Variants in TMEM135 observed in about 807,000 individuals in gnomAD.
TMEM135 encodes the protein peroxisomal membrane protein 52.
TMEM135 carries 30 observed loss-of-function variants against 60.3 expected under a neutral mutation model. The observed-to-expected ratio is 0.50, with a 90% CI of 0.37 to 0.68. The LOEUF is 0.68. TMEM135 is among the 30% of genes least tolerant of loss of function. The pLI, the probability that TMEM135 is intolerant of heterozygous loss-of-function variation, is 0.00. For synonymous variants in TMEM135, 190 were observed against 186.7 expected (o/e 1.02, Z -0.14); for missense variants, 468 against 548.8 (o/e 0.85, Z 1.47).
intron 1 of TMEM135, among the ~76,000 whole-genome samples, chr11:87,066,544 C>T (rs1479760330): frequency 2.7e-5 from 4 of 147,016 alleles, no homozygotes; most frequent in African/African-American, 1.0e-4. Flanking sequence ...TAAATTATTT[C>T]AGGGCCTTTT....
rs143309210 is a variant in TMEM135, at chr11:87,250,643, A to T, written c.509+13959A>T. Among the ~76,000 whole-genome samples, 1,192 of 152,234 alleles carry T rather than the reference A, an allele frequency of 7.8e-3. 13 individuals are homozygous for T. Among genetic ancestry groups the T allele is most frequent in the African/African-American group, 0.027 (1,114 of 41,568 alleles). ...CTGGTCAGAGAAGAGACTTGATATG[A>T]TTTCAAGTTTTTGAATTTTTTAAGA... On this transcript the variant is annotated intron_variant, in intron 6 of 14. Transcript: ENST00000305494.
intron 3 of TMEM135, among the ~76,000 whole-genome samples, chr11:87,084,767 C>A (rs1340939841): frequency 2.6e-5 from 4 of 152,298 alleles, no homozygotes; most frequent in Admixed American, 1.3e-4. Flanking sequence ...TGCTTATCTG[C>A]TGAGCTTTCC....
intron 3 of TMEM135, among the ~76,000 whole-genome samples, chr11:87,086,832 A>G (rs148411784): frequency 5.4e-4 from 82 of 152,282 alleles, no homozygotes; most frequent in Non-Finnish European, 8.7e-4. Flanking sequence ...GCTTTAAACT[A>G]TCTTTGGCTT....
intron 9 of TMEM135, among the ~76,000 whole-genome samples, chr11:87,307,579 TAGTG>T (rs1315177860): frequency 2.0e-5 from 3 of 152,068 alleles, no homozygotes; most frequent in African/African-American, 4.8e-5. Context: ...ATGAGAAAGT[TAGTG>T]AGAATTTCCA....
At chr11:87,216,154 A>G (rs112133020) in intron 5 of TMEM135, among the ~76,000 whole-genome samples, 80 of 152,352 alleles carry the variant, frequency 5.3e-4, no homozygotes, top group African/African-American at 1.8e-3. Context: ...CATTATAAGT[A>G]GTTTCAGACA....
intron 5 of TMEM135, among the ~76,000 whole-genome samples, chr11:87,218,024 G>C (rs776146586): frequency 2.6e-5 from 4 of 152,084 alleles, no homozygotes; most frequent in African/African-American, 4.8e-5. Flanking sequence ...CCAACTGGGG[G>C]CAATTTTGTA....
chr11:87,116,297 G>A (rs1234738679), intron 4 of TMEM135, among the ~76,000 whole-genome samples: 6 of 152,114 alleles, frequency 3.9e-5, no homozygotes, highest in Non-Finnish European at 8.8e-5. Flanking sequence ...AAATAAGAAA[G>A]CGATGATATT....
intron 4 of TMEM135, among the ~76,000 whole-genome samples, chr11:87,110,793 G>A (rs896202349): frequency 2.0e-5 from 3 of 151,270 alleles, no homozygotes; most frequent in African/African-American, 4.9e-5. Flanking sequence ...TGTGTGTGAT[G>A]AATAAATGAA....
chr11:87,283,004 G>T (rs1349441839), intron 6 of TMEM135, among the ~76,000 whole-genome samples: 7 of 152,012 alleles, frequency 4.6e-5, no homozygotes, highest in Admixed American at 3.9e-4. Flanking sequence ...TCTCTTTCTT[G>T]GGGGTCAGGA....
chr11:87,222,218 C>T (rs1206669675), intron 5 of TMEM135, among the ~76,000 whole-genome samples: 4 of 144,512 alleles, frequency 2.8e-5, no homozygotes, highest in South Asian at 2.3e-4. Flanking sequence ...ATTGCTGGTC[C>T]GGGCATGGTG....
intron 7 of TMEM135, among the ~76,000 whole-genome samples, chr11:87,299,646 C>T (rs990171858): frequency 3.3e-5 from 5 of 152,266 alleles, no homozygotes; most frequent in East Asian, 1.9e-4. Flanking sequence ...AGAATACACT[C>T]GGGAATGAGC....
At chr11:87,210,079 C>A (rs1378922404) in intron 5 of TMEM135, among the ~76,000 whole-genome samples, 1 of 152,036 alleles carries the variant, frequency 6.6e-6, no homozygotes, top group African/African-American at 2.4e-5. Flanking sequence ...GTAGAAAGAT[C>A]TCTAACAACA....
At chr11:87,234,676 A>C (rs1458404697) in intron 5 of TMEM135, among the ~76,000 whole-genome samples, 1 of 152,016 alleles carries the variant, frequency 6.6e-6, no homozygotes, top group Non-Finnish European at 1.5e-5. Flanking sequence ...CTCAGTTTAT[A>C]GATAAGGGGT....
chr11:87,303,727 T>C (rs1057182215), intron 8 of TMEM135, among the ~76,000 whole-genome samples: 3 of 152,236 alleles, frequency 2.0e-5, no homozygotes, highest in Non-Finnish European at 4.4e-5. Context: ...GGAATAATTA[T>C]GGTAGTTGAA....
At chr11:87,275,723 C>G (rs532408839) in intron 6 of TMEM135, among the ~76,000 whole-genome samples, 1 of 151,964 alleles carries the variant, frequency 6.6e-6, no homozygotes, top group African/African-American at 2.4e-5. Context: ...TACAGTGGCG[C>G]GATCTCAGCT....
At chr11:87,309,305 T>G (rs1412963781) in intron 9 of TMEM135, among the ~76,000 whole-genome samples, 200 bp from the exon 10 acceptor site, 1 of 152,226 alleles carries the variant, frequency 6.6e-6, no homozygotes, top group Non-Finnish European at 1.5e-5. Context: ...GAAAGTAAAC[T>G]CATTCCAAGA....
At chr11:87,189,228 T>C (rs1939739565) in intron 5 of TMEM135, among the ~76,000 whole-genome samples, 1 of 147,494 alleles carries the variant, frequency 6.8e-6, no homozygotes, top group Non-Finnish European at 1.5e-5. Context: ...TGGTGTGATC[T>C]CGGCTCACTG....
intron 5 of TMEM135, among the ~76,000 whole-genome samples, chr11:87,173,703 A>G (rs796339825): frequency 1.3e-5 from 2 of 152,162 alleles, no homozygotes; most frequent in South Asian, 2.1e-4. Flanking sequence ...TGGGGTGAGT[A>G]AATGGAGATC....
chr11:87,194,719 C>T (rs1180984110), intron 5 of TMEM135, among the ~76,000 whole-genome samples: 1 of 151,640 alleles, frequency 6.6e-6, no homozygotes, highest in Non-Finnish European at 1.5e-5. Flanking sequence ...TTCCATAATT[C>T]TCTTTGAAGT....
Sources: allele counts gnomAD v4.1 joint callset (sites outside exome capture counted in the v4.1 genomes callset), GRCh38; gene constraint gnomAD v4.1.1; transcripts MANE v1.5; gene names NCBI Gene and HGNC (gene_info 2026-07-23, HGNC 2026-07-21).